IL1RAPL2: variants seen among roughly 807,000 people sequenced by gnomAD.
IL1RAPL2 encodes the protein interleukin 1 receptor accessory protein like 2.
Under a neutral mutation model 44.1 loss-of-function variants are expected in IL1RAPL2, and 3 were observed. The observed-to-expected ratio is 0.07, with a 90% CI of 0.03 to 0.18. The LOEUF (loss-of-function observed/expected upper bound fraction) is 0.18, where lower values mean the gene tolerates loss of function less well. Among genes scored for constraint, IL1RAPL2 ranks in the 10% least tolerant of loss-of-function variants. The pLI is 1.00. For synonymous variants in IL1RAPL2, 181 were observed against 178.8 expected (o/e 1.01, Z -0.10); for missense variants, 391 against 496.4 (o/e 0.79, Z 2.02).
At chrX:105,065,066 A>G (rs1378477375) in intron 2 of IL1RAPL2, among the ~76,000 whole-genome samples, 2 of 112,499 alleles carry the variant, frequency 1.8e-5, no homozygotes, top group African/African-American at 3.2e-5. Context: ...GTTTTCTGGA[A>G]ACAAAGCTAT....
intron 2 of IL1RAPL2, among the ~76,000 whole-genome samples, chrX:105,168,474 GA>G (rs1251889863): frequency 9.4e-6 from 1 of 106,605 alleles, no homozygotes; most frequent in Non-Finnish European, 1.9e-5. Flanking sequence ...TAAAGAGAGA[GA>G]GGGGGAGGGA....
chrX:105,755,345 G>A lies in IL1RAPL2; in HGVS notation c.1361G>A (p.Gly454Glu), dbSNP rs1357418498. ...FIPERDLIPS[G>E]TYMEDLTRYV... ...CCAGAAAGAGACCTGATTCCAAGTG[G>A]AAGTAAGTACTTTCAAATTTTGTGT... The change falls in exon 10 of 11, where the codon GGA becomes GAA. Residue 454 changes from glycine to glutamate, a missense_variant and splice_region_variant. This residue lies in a region of IL1RAPL2 where 232 missense variants were observed against 244.8 expected (regional missense o/e 0.95). Transcript: ENST00000372582. 8.5e-7 allele frequency: 1 copy of A among 1,181,494 alleles called. No homozygotes were observed. The highest frequency in any genetic ancestry group is 1.1e-6 in the Non-Finnish European group (1 of 875,134).
At chrX:105,042,603 A>C (rs2031764413) in intron 2 of IL1RAPL2, among the ~76,000 whole-genome samples, 1 of 102,863 alleles carries the variant, frequency 9.7e-6, no homozygotes, top group Non-Finnish European at 2.0e-5. Flanking sequence ...GATGTGGAGA[A>C]ATAGGAACAC....
At chrX:105,529,564 C>T (rs1425426532) in intron 6 of IL1RAPL2, among the ~76,000 whole-genome samples, 1 of 111,148 alleles carries the variant, frequency 9.0e-6, no homozygotes, top group East Asian at 2.8e-4. Flanking sequence ...TTGAAATGTA[C>T]AAATCTTAAG....
At chrX:105,232,657 T>G (rs1011549672) in intron 3 of IL1RAPL2, among the ~76,000 whole-genome samples, 1 of 112,174 alleles carries the variant, frequency 8.9e-6, no homozygotes, top group Non-Finnish European at 1.9e-5. Flanking sequence ...GGTCATGGAT[T>G]ATACATAGAA....
chrX:105,015,752 C>A (rs1407457780), intron 2 of IL1RAPL2, among the ~76,000 whole-genome samples: 1 of 111,602 alleles, frequency 9.0e-6, no homozygotes, highest in Non-Finnish European at 1.9e-5. Context: ...TAGCATGATA[C>A]CTCCAGCTTT....
chrX:104,691,054 C>T (rs1382469092), intron 2 of IL1RAPL2, among the ~76,000 whole-genome samples: 1 of 111,723 alleles, frequency 9.0e-6, no homozygotes, highest in East Asian at 2.8e-4. Context: ...GATTTTGGCT[C>T]TTTTGAATAT....
intron 6 of IL1RAPL2, among the ~76,000 whole-genome samples, chrX:105,644,488 G>C (rs185810857): frequency 1.8e-4 from 20 of 111,464 alleles, no homozygotes; most frequent in African/African-American, 6.5e-4. Context: ...AAATTTTCTG[G>C]TAAAGAAGTA....
At position 105,645,912 on chromosome X, in the gene IL1RAPL2, G is replaced by A. The variant is rs188043838; in HGVS notation, c.773-71455G>A. On this transcript the variant is annotated intron_variant, in intron 6 of 10. Coordinates refer to ENST00000372582, the MANE Select transcript of IL1RAPL2 (RefSeq NM_017416.2). ...TATTACAGTTGTGCTACTATCTCCA[G>A]CATATGTTCAACTTTATTCTCTCTC... 1.1e-3 allele frequency among the ~76,000 whole-genome samples: 123 copies of A among 111,545 alleles called. 2 individuals are homozygous for A. The highest frequency in any genetic ancestry group is 3.4e-3 in the African/African-American group (105 of 30,687).
chrX:105,626,147 T>C (rs1272832142), intron 6 of IL1RAPL2, among the ~76,000 whole-genome samples: 1 of 111,694 alleles, frequency 9.0e-6, no homozygotes, highest in Non-Finnish European at 1.9e-5. Context: ...GAACCTGACA[T>C]AAGAAAAAAA....
intron 2 of IL1RAPL2, among the ~76,000 whole-genome samples, chrX:104,729,447 CTTTTTTT>C (rs5903245): frequency 4.3e-5 from 2 of 46,481 alleles, no homozygotes; most frequent in Non-Finnish European, 8.0e-5. Flanking sequence ...GGCCTGCTGC[CTTTTTTT>C]TTTTTTTTTT....
chrX:105,190,870 G>A (rs1031426259), intron 2 of IL1RAPL2, among the ~76,000 whole-genome samples: 4 of 111,952 alleles, frequency 3.6e-5, no homozygotes, highest in East Asian at 5.6e-4. Flanking sequence ...AGATAGATGC[G>A]GCAGGATTTG....
intron 6 of IL1RAPL2, among the ~76,000 whole-genome samples, chrX:105,566,100 G>T (rs971892841): frequency 9.0e-6 from 1 of 111,002 alleles, no homozygotes; most frequent in African/African-American, 3.3e-5. Context: ...ACAAAACAAA[G>T]TGCTTTATTT....
intron 6 of IL1RAPL2, among the ~76,000 whole-genome samples, chrX:105,561,504 G>A (rs750713937): frequency 8.9e-6 from 1 of 112,048 alleles, no homozygotes; most frequent in Non-Finnish European, 1.9e-5. Context: ...GGCCATGTAG[G>A]CTCTAAATAA....
At chrX:104,624,991 C>T (rs1929472486) in intron 1 of IL1RAPL2, among the ~76,000 whole-genome samples, 1 of 112,214 alleles carries the variant, frequency 8.9e-6, no homozygotes, top group Non-Finnish European at 1.9e-5. Context: ...ACTATATATA[C>T]TTCTGTAGAA....
chrX:105,124,417 C>T (rs775453763), intron 2 of IL1RAPL2, among the ~76,000 whole-genome samples: 2 of 110,413 alleles, frequency 1.8e-5, no homozygotes, highest in African/African-American at 3.3e-5. Context: ...AAAGTCATGG[C>T]GTCAAGATTA....
intron 2 of IL1RAPL2, among the ~76,000 whole-genome samples, chrX:104,919,987 T>A (rs1334333579): frequency 9.0e-6 from 1 of 111,298 alleles, no homozygotes; most frequent in Non-Finnish European, 1.9e-5. Context: ...CACTGAGGCA[T>A]AAGAGGCCAT....
At chrX:105,513,512 AC>A (rs1849154538) in intron 6 of IL1RAPL2, among the ~76,000 whole-genome samples, 1 of 111,997 alleles carries the variant, frequency 8.9e-6, no homozygotes. Flanking sequence ...CATTTCTCTA[AC>A]GACCAGTGAT....
At chrX:105,016,620 T>C (rs1026239316) in intron 2 of IL1RAPL2, among the ~76,000 whole-genome samples, 5 of 112,069 alleles carry the variant, frequency 4.5e-5, no homozygotes, top group African/African-American at 1.6e-4. Context: ...TTATATTTAT[T>C]GATTTGTGTA....
Sources: gnomAD v4.1 joint callset for allele counts (sites outside exome capture counted in the v4.1 genomes callset) on GRCh38, gnomAD v4.1.1 for gene constraint, gnomAD v4.1.1 regional missense constraint, MANE v1.5 for transcripts, NCBI Gene and HGNC (gene_info 2026-07-23, HGNC 2026-07-21) for gene names.